The following ARB2A variants were observed in gnomAD, a reference collection of about 807,000 sequenced individuals.
ARB2A encodes the protein cotranscriptional regulator ARB2A.
chr5:93,839,646 C>T, the ARB2A span, among the ~76,000 whole-genome samples: 4 of 151,558 alleles, frequency 2.6e-5, no homozygotes, highest in South Asian at 2.1e-4. Context: ...TAGATCATTC[C>T]GGTCCTGGGC....
At chr5:93,992,596 C>T in the ARB2A span, among the ~76,000 whole-genome samples, 11 of 151,976 alleles carry the variant, frequency 7.2e-5, no homozygotes, top group African/African-American at 2.4e-4. Context: ...TATACACCAG[C>T]GCTTTGCCTA....
chr5:94,035,773 G>A, the ARB2A span, among the ~76,000 whole-genome samples: 7 of 152,014 alleles, frequency 4.6e-5, no homozygotes, highest in South Asian at 2.1e-4. Context: ...ACCAAACACC[G>A]CATGTTCTCA....
chr5:93,742,565 G>A, the ARB2A span, among the ~76,000 whole-genome samples: 2 of 152,132 alleles, frequency 1.3e-5, no homozygotes, highest in African/African-American at 4.8e-5. Flanking sequence ...CAGTTTCAAT[G>A]TTTCCTAGGA....
At chr5:93,685,326 T>C in the ARB2A span, among the ~76,000 whole-genome samples, 1 of 152,146 alleles carries the variant, frequency 6.6e-6, no homozygotes, top group Non-Finnish European at 1.5e-5. Flanking sequence ...TTTTCTCTTT[T>C]TAAAGACAAC....
At chr5:93,793,234 G>C in the ARB2A span, among the ~76,000 whole-genome samples, 1 of 54,916 alleles carries the variant, frequency 1.8e-5, no homozygotes, top group East Asian at 7.4e-4. Context: ...CAACACTTCT[G>C]GCTAATTTTT....
the ARB2A span, among the ~76,000 whole-genome samples, chr5:93,995,585 A>G: frequency 6.6e-6 from 1 of 152,196 alleles, no homozygotes; most frequent in Non-Finnish European, 1.5e-5. Flanking sequence ...CCCAATCAAG[A>G]GAAGGCTAAT....
chr5:93,814,986 T>A, the ARB2A span, among the ~76,000 whole-genome samples: 1 of 151,796 alleles, frequency 6.6e-6, no homozygotes, highest in East Asian at 1.9e-4. Context: ...TACAGGCATG[T>A]GCCACCATGC....
the ARB2A span, among the ~76,000 whole-genome samples, chr5:93,669,968 A>C: frequency 6.6e-6 from 1 of 152,172 alleles, no homozygotes; most frequent in Admixed American, 6.5e-5. Context: ...TTAAATGCCA[A>C]AATTTTGCTC....
the ARB2A span, among the ~76,000 whole-genome samples, chr5:93,648,830 A>G: frequency 6.6e-6 from 1 of 152,206 alleles, no homozygotes; most frequent in African/African-American, 2.4e-5. Context: ...TTTATTCCTA[A>G]AGCCAGAAAA....
At chr5:93,959,191 A>C in the ARB2A span, among the ~76,000 whole-genome samples, 1 of 152,044 alleles carries the variant, frequency 6.6e-6, no homozygotes, top group African/African-American at 2.4e-5. Context: ...TAAAAATACA[A>C]AAAATATTGG....
chr5:94,023,769 C>T, the ARB2A span, among the ~76,000 whole-genome samples: 742 of 152,304 alleles, frequency 4.9e-3, 18 homozygotes, highest in Non-Finnish European at 1.8e-3. Flanking sequence ...TCAAATTATG[C>T]AGTATACAAC....
the ARB2A span, among the ~76,000 whole-genome samples, chr5:93,819,125 G>A: frequency 5.7e-5 from 8 of 140,962 alleles, no homozygotes; most frequent in Non-Finnish European, 9.0e-5. Flanking sequence ...GGCGGAGCTT[G>A]CAGTGAGTCG....
the ARB2A span, among the ~76,000 whole-genome samples, chr5:93,985,411 T>C: frequency 6.6e-6 from 1 of 151,324 alleles, no homozygotes; most frequent in African/African-American, 2.4e-5. Flanking sequence ...CCCCTCTCCC[T>C]CTTTCCACGG....
the ARB2A span, among the ~76,000 whole-genome samples, chr5:94,029,145 C>A: frequency 6.6e-6 from 1 of 152,128 alleles, no homozygotes. Context: ...GAGCATGCCA[C>A]CATGTCCAGC....
At chr5:93,958,910 G>A in the ARB2A span, 2 of 1,607,404 alleles carry the variant, frequency 1.2e-6, no homozygotes, top group South Asian at 1.1e-5. Context: ...CTGTGGATTT[G>A]TCAAAGCATC....
At chr5:93,819,222 G>GT in the ARB2A span, among the ~76,000 whole-genome samples, 37 of 142,358 alleles carry the variant, frequency 2.6e-4, 1 homozygote, top group African/African-American at 9.1e-4. Flanking sequence ...AACTCTATAT[G>GT]TTAGTCAACT....
the ARB2A span, among the ~76,000 whole-genome samples, chr5:94,063,844 T>A: frequency 2.6e-5 from 4 of 152,092 alleles, no homozygotes; most frequent in African/African-American, 9.7e-5. Context: ...AGATACATTT[T>A]AAGAAAAAAT....
the ARB2A span, among the ~76,000 whole-genome samples, chr5:93,945,392 G>C: frequency 5.4e-5 from 8 of 149,278 alleles, no homozygotes; most frequent in African/African-American, 2.0e-4. Flanking sequence ...TGCAGCCTGG[G>C]CGACAGAGCA....
chr5:94,051,261 T>C, the ARB2A span, among the ~76,000 whole-genome samples: 5 of 152,158 alleles, frequency 3.3e-5, no homozygotes, highest in African/African-American at 1.2e-4. Context: ...AATCTGCCAC[T>C]GGGGATTCAT....
Sources: allele counts gnomAD v4.1 joint callset (sites outside exome capture counted in the v4.1 genomes callset), GRCh38; gene constraint gnomAD v4.1.1; transcripts MANE v1.5; gene names NCBI Gene and HGNC (gene_info 2026-07-23, HGNC 2026-07-21).